Variants in LHFPL3 observed in about 807,000 individuals in gnomAD.
The protein encoded by LHFPL3 is LHFPL tetraspan subfamily member 3 protein.
LHFPL3 carries 5 observed loss-of-function variants against 19.3 expected under a neutral mutation model. The ratio of observed to expected loss-of-function variants is 0.26; its 90% confidence interval spans 0.14 to 0.54. The LOEUF is 0.54. Ranked by LOEUF, LHFPL3 falls within the 20% of genes least tolerant of loss-of-function variation. The pLI, the probability that LHFPL3 is intolerant of heterozygous loss-of-function variation, is 0.94. For missense variants in LHFPL3, 249 were observed against 307.4 expected, an observed-to-expected ratio of 0.81 and a Z score of 1.42; for synonymous variants, 133 against 126.2, an observed-to-expected ratio of 1.05 and a Z score of -0.36.
At chr7:104,734,918 G>A (rs1584504379) in intron 1 of LHFPL3, among the ~76,000 whole-genome samples, 1 of 152,154 alleles carries the variant, frequency 6.6e-6, no homozygotes, top group East Asian at 1.9e-4. Context: ...CTTTCTGTTT[G>A]TTAGTTTTCC....
At position 104,696,037 on chromosome 7, in the gene LHFPL3, G is replaced by A. The variant is rs191714194; in HGVS notation, c.446-40638G>A. On this transcript the variant is annotated intron_variant, in intron 1 of 2. Transcript: ENST00000424859. ...ACGATCTTGGCTCACTGCAACCTCC[G>A]CCTCCTGGGTTCCAGCGATTCTCCT... is the stretch of plus-strand genomic sequence containing the variant. Among the ~76,000 whole-genome samples, 265 of 152,084 alleles carry A rather than the reference G, an allele frequency of 1.7e-3. 2 individuals are homozygous for A. Among genetic ancestry groups the A allele is most frequent in the African/African-American group, 5.2e-3 (217 of 41,512 alleles).
chr7:104,611,252 G>T (rs942562867), intron 1 of LHFPL3, among the ~76,000 whole-genome samples: 4 of 152,164 alleles, frequency 2.6e-5, no homozygotes, highest in Middle Eastern at 3.2e-3. Context: ...AGATATGAAG[G>T]ATACACTATT....
chr7:104,523,680 G>T (rs189340924), intron 1 of LHFPL3, among the ~76,000 whole-genome samples: 1 of 152,178 alleles, frequency 6.6e-6, no homozygotes, highest in Admixed American at 6.6e-5. Flanking sequence ...CACTAGCCAT[G>T]TTGAGGTACC....
At chr7:104,877,082 C>G (rs1791959789) in intron 2 of LHFPL3, among the ~76,000 whole-genome samples, 4 of 152,090 alleles carry the variant, frequency 2.6e-5, no homozygotes, top group Admixed American at 2.0e-4. Context: ...ACAATGAGAA[C>G]ACATGGACAC....
rs144390912 is a variant in LHFPL3, at chr7:104,808,369, G to A, written c.682+71458G>A. ...AATACTACCCATTTCATTGGTGGCT[G>A]GAGAGACTACATTGCCTGAGGTCAT... On this transcript the variant is annotated intron_variant, in intron 2 of 2. Transcript: ENST00000424859. Among the ~76,000 whole-genome samples the A allele has an allele frequency of 3.6e-3, 552 of 152,316 alleles. 3 individuals are homozygous for A. The highest frequency in any genetic ancestry group is 0.013 in the African/African-American group (531 of 41,564).
At chr7:104,508,617 A>AT (rs993095637) in intron 1 of LHFPL3, among the ~76,000 whole-genome samples, 111 of 124,036 alleles carry the variant, frequency 8.9e-4, no homozygotes, top group Middle Eastern at 3.8e-3. Context: ...AATAAAAAAA[A>AT]ATATATATAT....
chr7:104,470,649 G>A (rs948861000), intron 1 of LHFPL3, among the ~76,000 whole-genome samples: 5 of 152,124 alleles, frequency 3.3e-5, no homozygotes, highest in African/African-American at 1.2e-4. Context: ...AAACAGAGGG[G>A]CAAATAGGGT....
chr7:104,522,684 A>G (rs1281368199), intron 1 of LHFPL3, among the ~76,000 whole-genome samples: 1 of 152,152 alleles, frequency 6.6e-6, no homozygotes, highest in African/African-American at 2.4e-5. Flanking sequence ...ATGAAAGACA[A>G]TACAGAAGGT....
At chr7:104,732,547 C>A (rs753707953) in intron 1 of LHFPL3, among the ~76,000 whole-genome samples, 52 of 151,724 alleles carry the variant, frequency 3.4e-4, no homozygotes, top group Non-Finnish European at 6.8e-4. Context: ...GGTATTTTGT[C>A]TTTCTGTGGG....
intron 1 of LHFPL3, among the ~76,000 whole-genome samples, chr7:104,620,302 T>G (rs1464165278): frequency 6.6e-6 from 1 of 152,170 alleles, no homozygotes; most frequent in Non-Finnish European, 1.5e-5. Flanking sequence ...GATTTTTTCA[T>G]TAGGAATAAT....
chr7:104,764,226 T>C (rs1173579546), intron 2 of LHFPL3, among the ~76,000 whole-genome samples: 2 of 152,156 alleles, frequency 1.3e-5, no homozygotes, highest in African/African-American at 2.4e-5. Flanking sequence ...CGGAGTGCAG[T>C]GGTGTGATCT....
chr7:104,379,050 G>A (rs1322930945), intron 1 of LHFPL3, among the ~76,000 whole-genome samples: 1 of 151,910 alleles, frequency 6.6e-6, no homozygotes, highest in Admixed American at 6.6e-5. Flanking sequence ...TTCTGAAATC[G>A]GGGACCCATC....
intron 1 of LHFPL3, among the ~76,000 whole-genome samples, chr7:104,603,106 CTTTCTTTCTT>C: frequency 7.6e-6 from 1 of 131,712 alleles, no homozygotes; most frequent in East Asian, 2.1e-4. Flanking sequence ...TTCTTTCTTT[CTTTCTTTCTT>C]TCTTTCTTTC....
At chr7:104,528,063 G>A (rs1288022191) in intron 1 of LHFPL3, among the ~76,000 whole-genome samples, 4 of 152,176 alleles carry the variant, frequency 2.6e-5, no homozygotes, top group South Asian at 2.1e-4. Context: ...AAGAGGGTGC[G>A]AGATTCATGT....
chr7:104,740,970 A>C (rs1193141010), intron 2 of LHFPL3, among the ~76,000 whole-genome samples: 2 of 151,948 alleles, frequency 1.3e-5, no homozygotes, highest in Non-Finnish European at 2.9e-5. Flanking sequence ...ATGTAAGGGA[A>C]GGGAAAAAGC....
chr7:104,666,622 C>T (rs1584469531), intron 1 of LHFPL3, among the ~76,000 whole-genome samples: 2 of 140,400 alleles, frequency 1.4e-5, no homozygotes, highest in South Asian at 2.5e-4. Context: ...CCCGGGTTCA[C>T]GCCATTCTCC....
At chr7:104,507,088 G>A (rs1203829742) in intron 1 of LHFPL3, among the ~76,000 whole-genome samples, 4 of 152,144 alleles carry the variant, frequency 2.6e-5, no homozygotes, top group African/African-American at 9.6e-5. Context: ...AATTTTGTGT[G>A]AAGCAGCAAA....
chr7:104,425,248 T>TG (rs1168611212), intron 1 of LHFPL3, among the ~76,000 whole-genome samples: 1 of 151,990 alleles, frequency 6.6e-6, no homozygotes, highest in Admixed American at 6.6e-5. Context: ...TTTGGTGGGG[T>TG]GGGGGTATCC....
chr7:104,700,029 A>G (rs1053613119), intron 1 of LHFPL3, among the ~76,000 whole-genome samples: 2 of 152,130 alleles, frequency 1.3e-5, no homozygotes, highest in African/African-American at 4.8e-5. Context: ...TCTACCCTTA[A>G]TTCCTTGACT....
Sources: allele counts gnomAD v4.1 joint callset (sites outside exome capture counted in the v4.1 genomes callset), GRCh38; gene constraint gnomAD v4.1.1; transcripts MANE v1.5; gene names NCBI Gene and HGNC (gene_info 2026-07-23, HGNC 2026-07-21).